GAREM1: variants seen among roughly 807,000 people sequenced by gnomAD.
GAREM1 encodes the protein GRB2-associated and regulator of MAPK protein 1.
A neutral mutation model predicts 71.3 loss-of-function variants in GAREM1; 26 were observed. The observed-to-expected ratio is 0.36, with a 90% CI of 0.27 to 0.51. The LOEUF (loss-of-function observed/expected upper bound fraction) is 0.51. Ranked by LOEUF, GAREM1 falls within the 20% of genes least tolerant of loss-of-function variation. The pLI is 0.95. For synonymous variants in GAREM1, 440 were observed against 433.2 expected (o/e 1.02, Z -0.20); for missense variants, 1,026 against 1,103.1 (o/e 0.93, Z 0.99).
intron 2 of GAREM1, among the ~76,000 whole-genome samples, chr18:32,335,431 G>C (rs2047581167): frequency 6.6e-6 from 1 of 152,112 alleles, no homozygotes; most frequent in Non-Finnish European, 1.5e-5. Context: ...GGTCCTTACT[G>C]GTCTCATTAT....
intron 1 of GAREM1, among the ~76,000 whole-genome samples, chr18:32,402,592 G>A (rs1299726066): frequency 6.6e-6 from 1 of 151,958 alleles, no homozygotes; most frequent in East Asian, 1.9e-4. Flanking sequence ...TGCCATAACT[G>A]TAGGAGCTAT....
intron 4 of GAREM1, among the ~76,000 whole-genome samples, chr18:32,280,157 ATCTG>A (rs1402672400): frequency 6.6e-5 from 10 of 152,236 alleles, no homozygotes; most frequent in Admixed American, 1.3e-4. Context: ...ATTTAAGAAA[ATCTG>A]TCTGTCAATA....
chr18:32,449,290 G>T (rs1037520896), intron 1 of GAREM1, among the ~76,000 whole-genome samples: 4 of 152,220 alleles, frequency 2.6e-5, no homozygotes, highest in Admixed American at 1.3e-4. Flanking sequence ...GAATATGGAA[G>T]AGTTACTTTT....
chr18:32,364,014 ATATATATATATATGTTT>A (rs1272812128), intron 2 of GAREM1, among the ~76,000 whole-genome samples: 10 of 50,696 alleles, frequency 2.0e-4, no homozygotes, highest in African/African-American at 1.2e-3. Flanking sequence ...ATATATATAT[ATATATATATATATGTTT>A]TTTTTTTTTT....
At chr18:32,387,265 A>G (rs549175057) in intron 2 of GAREM1, among the ~76,000 whole-genome samples, 4 of 152,312 alleles carry the variant, frequency 2.6e-5, no homozygotes, top group African/African-American at 9.6e-5. Flanking sequence ...GGTTAAAAAA[A>G]TTTAATATTT....
intron 2 of GAREM1, among the ~76,000 whole-genome samples, chr18:32,346,880 C>T (rs1334453460): frequency 6.6e-6 from 1 of 152,168 alleles, no homozygotes; most frequent in Admixed American, 6.5e-5. Context: ...AAAAGAACTT[C>T]CTACAAAAGG....
chr18:32,324,858 T>C (rs1190232486), intron 2 of GAREM1, among the ~76,000 whole-genome samples: 1 of 152,224 alleles, frequency 6.6e-6, no homozygotes, highest in Non-Finnish European at 1.5e-5. Context: ...TTATACCATG[T>C]ATGACATTTC....
chr18:32,405,742 A>G (rs1405636513), intron 1 of GAREM1, among the ~76,000 whole-genome samples: 1 of 152,190 alleles, frequency 6.6e-6, no homozygotes. Flanking sequence ...TTCTCGACCA[A>G]TGGCTAAATA....
chr18:32,286,535 C>G (rs561117586), intron 4 of GAREM1, among the ~76,000 whole-genome samples: 43 of 152,198 alleles, frequency 2.8e-4, no homozygotes, highest in Non-Finnish European at 5.4e-4. Flanking sequence ...AATATCCATT[C>G]TGTTGCCCAG....
At chr18:32,334,426 C>A (rs2047568636) in intron 2 of GAREM1, among the ~76,000 whole-genome samples, 1 of 152,020 alleles carries the variant, frequency 6.6e-6, no homozygotes, top group African/African-American at 2.4e-5. Flanking sequence ...TAGGAAAGTG[C>A]AAATACTCTT....
intron 4 of GAREM1, among the ~76,000 whole-genome samples, chr18:32,283,770 C>T (rs1009441837): frequency 2.4e-4 from 36 of 152,108 alleles, no homozygotes; most frequent in African/African-American, 7.7e-4. Flanking sequence ...ATGTAGTTTC[C>T]CTGTTTAAGA....
At chr18:32,353,183 T>A (rs1221000667) in intron 2 of GAREM1, among the ~76,000 whole-genome samples, 1 of 152,186 alleles carries the variant, frequency 6.6e-6, no homozygotes. Context: ...TGTCCACACA[T>A]AAAGAAATGT....
At chr18:32,351,379 C>G (rs2047748762) in intron 2 of GAREM1, among the ~76,000 whole-genome samples, 1 of 152,050 alleles carries the variant, frequency 6.6e-6, no homozygotes, top group Non-Finnish European at 1.5e-5. Context: ...ACTATTGATG[C>G]AAGCAGGAGA....
At chr18:32,467,335 A>G (rs763169419) in intron 1 of GAREM1, among the ~76,000 whole-genome samples, 4 of 152,216 alleles carry the variant, frequency 2.6e-5, no homozygotes, top group Non-Finnish European at 5.9e-5. Context: ...CAGTGAACCT[A>G]TTTAGAGCAG....
At chr18:32,270,576 T>A (rs974833323) in intron 4 of GAREM1, among the ~76,000 whole-genome samples, 193 bp from the exon 5 acceptor site, 3 of 152,194 alleles carry the variant, frequency 2.0e-5, no homozygotes, top group Admixed American at 6.5e-5. Flanking sequence ...CAGGCGCCTG[T>A]CACACACTTG....
At position 32,343,311 on chromosome 18, in the gene GAREM1, G is replaced by GTTTTTTTTTTT. The variant is rs35086441; in HGVS notation, c.263-32999_263-32989dup. 9.2e-4 allele frequency among the ~76,000 whole-genome samples: 109 copies of GTTTTTTTTTTT among 118,854 alleles called. 4 individuals carry two copies. Among genetic ancestry groups the GTTTTTTTTTTT allele is most frequent in the African/African-American group, 3.3e-3 (99 of 29,820 alleles). 78.0% of individuals were successfully genotyped at this position (118,854 alleles called of 152,430 possible). A position where few individuals can be genotyped will look rare whatever the true frequency, so the allele number is the denominator to read the frequency against. ...AGCTAAAAGAGTACTCTCCCCCACT[G>GTTTTTTTTTTT]TTTTTTTTTTTTTTTTTTTTTGAGA... On this transcript the variant is annotated intron_variant, in intron 2 of 5. Coordinates refer to ENST00000269209, the MANE Select transcript of GAREM1 (RefSeq NM_001242409.2).
intron 3 of GAREM1, among the ~76,000 whole-genome samples, chr18:32,293,148 C>CAT (rs1425208237): frequency 2.0e-5 from 3 of 151,396 alleles, no homozygotes; most frequent in African/African-American, 7.3e-5. Context: ...CACACAGACA[C>CAT]ACACACACAC....
At chr18:32,394,963 T>C (rs1340937007) in intron 1 of GAREM1, among the ~76,000 whole-genome samples, 2 of 152,194 alleles carry the variant, frequency 1.3e-5, no homozygotes, top group East Asian at 3.8e-4. Context: ...TAGCACCAGT[T>C]CTAGCAGGTA....
intron 2 of GAREM1, among the ~76,000 whole-genome samples, chr18:32,312,491 C>T (rs2144522410): frequency 6.6e-6 from 1 of 152,204 alleles, no homozygotes; most frequent in South Asian, 2.1e-4. Context: ...ACAAGGGCAG[C>T]AGAAGAGCTG....
Sources: allele counts gnomAD v4.1 joint callset (sites outside exome capture counted in the v4.1 genomes callset), GRCh38; gene constraint gnomAD v4.1.1; transcripts MANE v1.5; gene names NCBI Gene and HGNC (gene_info 2026-07-23, HGNC 2026-07-21).